The following PCDH11X variants were observed in gnomAD, a reference collection of about 807,000 sequenced individuals.
PCDH11X encodes protocadherin 11 X-linked.
A neutral mutation model predicts 53.3 loss-of-function variants in PCDH11X; 18 were observed. The ratio of observed to expected loss-of-function variants is 0.34; its 90% CI spans 0.23 to 0.50. PCDH11X has a LOEUF of 0.50. Ranked by LOEUF, PCDH11X falls within the 20% of genes least tolerant of loss-of-function variation. The pLI, the probability that PCDH11X is intolerant of heterozygous loss-of-function variation, is 0.98. For synonymous variants in PCDH11X, 279 were observed against 393.3 expected, an observed-to-expected ratio of 0.71 and a Z score of 3.44; for missense variants, 570 against 1,032.4, an observed-to-expected ratio of 0.55 and a Z score of 6.14.
intron 9 of PCDH11X, among the ~76,000 whole-genome samples, chrX:92,431,613 AT>A (rs2097978891): frequency 9.1e-6 from 1 of 110,279 alleles, no homozygotes; most frequent in Non-Finnish European, 1.9e-5. Flanking sequence ...TAAGATACCT[AT>A]TAATTCAAAC....
intron 9 of PCDH11X, among the ~76,000 whole-genome samples, chrX:92,403,329 G>GTTTTTTTTTTTTTTTTTTT (rs1178198433): frequency 6.8e-5 from 4 of 58,816 alleles, no homozygotes; most frequent in East Asian, 7.8e-4. Flanking sequence ...GGGCATTTAC[G>GTTTTTTTTTTTTTTTTTTT]TTTTTTTTTG....
intron 8 of PCDH11X, among the ~76,000 whole-genome samples, chrX:92,302,042 T>C (rs183735680): frequency 1.8e-5 from 2 of 111,464 alleles, no homozygotes; most frequent in East Asian, 5.7e-4. Context: ...GCAAGGCAGA[T>C]TGGGACCCTA....
intron 9 of PCDH11X, among the ~76,000 whole-genome samples, chrX:92,395,111 C>G (rs1001366247): frequency 2.7e-5 from 3 of 110,983 alleles, no homozygotes; most frequent in Non-Finnish European, 5.7e-5. Context: ...CCCAGTTCCA[C>G]TAGGTACATG....
intron 6 of PCDH11X, among the ~76,000 whole-genome samples, chrX:91,943,545 C>T (rs749874087): frequency 5.4e-4 from 58 of 107,856 alleles, no homozygotes; most frequent in Non-Finnish European, 9.7e-4. Flanking sequence ...ATTTATCATC[C>T]GGTCCTTATA....
chrX:92,532,122 A>G (rs2148727149), intron 10 of PCDH11X, among the ~76,000 whole-genome samples: 1 of 111,549 alleles, frequency 9.0e-6, no homozygotes, highest in South Asian at 3.7e-4. Context: ...TGTTTACCTG[A>G]TGTATTAAGT....
At chrX:92,161,462 C>T (rs1279386884) in intron 6 of PCDH11X, among the ~76,000 whole-genome samples, 1 of 110,834 alleles carries the variant, frequency 9.0e-6, no homozygotes, top group African/African-American at 3.3e-5. Context: ...TTTCCTTCAC[C>T]TTGACTTTTG....
At chrX:92,375,050 T>A (rs1211949152) in intron 8 of PCDH11X, among the ~76,000 whole-genome samples, 6 of 100,652 alleles carry the variant, frequency 6.0e-5, no homozygotes, top group South Asian at 4.4e-4. Flanking sequence ...TTAATGAAAA[T>A]TTATCCTAAA....
At chrX:92,193,271 G>C (rs1476092188) in intron 6 of PCDH11X, among the ~76,000 whole-genome samples, 1 of 111,614 alleles carries the variant, frequency 9.0e-6, no homozygotes, top group Non-Finnish European at 1.9e-5. Context: ...TAACCCTAGG[G>C]TGGGGTGTAG....
chrX:92,411,922 AGTGGG>A (rs2071664030), intron 9 of PCDH11X, among the ~76,000 whole-genome samples: 3 of 44,780 alleles, frequency 6.7e-5, no homozygotes, highest in South Asian at 2.5e-3. Context: ...GAGGAGGAGG[AGTGGG>A]AGGAGGAGGG....
At chrX:91,870,414 C>T (rs1271570256) in intron 5 of PCDH11X, among the ~76,000 whole-genome samples, 2 of 110,090 alleles carry the variant, frequency 1.8e-5, no homozygotes, top group Non-Finnish European at 3.8e-5. Context: ...GAACTTAGTA[C>T]AAAAATTCTA....
At chrX:92,275,061 A>T in intron 8 of PCDH11X, among the ~76,000 whole-genome samples, 1 of 103,206 alleles carries the variant, frequency 9.7e-6, no homozygotes, top group Non-Finnish European at 2.0e-5. Context: ...GGAAGAAAAT[A>T]GATTTTGGAA....
intron 10 of PCDH11X, among the ~76,000 whole-genome samples, chrX:92,567,611 G>A (rs1330861660): frequency 3.7e-5 from 4 of 108,559 alleles, no homozygotes; most frequent in Non-Finnish European, 7.6e-5. Context: ...ATTTGAATAC[G>A]CTACATTTTT....
intron 9 of PCDH11X, among the ~76,000 whole-genome samples, chrX:92,395,915 G>A (rs2071232729): frequency 9.5e-6 from 1 of 105,651 alleles, no homozygotes; most frequent in African/African-American, 3.5e-5. Flanking sequence ...ATATCCAAAT[G>A]GAGAACTTTT....
At chrX:92,531,539 A>T (rs2074554788) in intron 10 of PCDH11X, among the ~76,000 whole-genome samples, 1 of 110,477 alleles carries the variant, frequency 9.1e-6, no homozygotes, top group East Asian at 2.8e-4. Context: ...CCTCAACCAG[A>T]TTTTATGAAA....
Position 92,253,499 on chromosome X carries a change from G to A in PCDH11X, c.3115-9615G>A, listed in dbSNP as rs780185401. On this transcript the variant is annotated intron_variant, in intron 7 of 10. Coordinates refer to ENST00000682573, the MANE Select transcript of PCDH11X (RefSeq NM_032968.5). ...AGAATGTCATTGATATTTTGATAGG[G>A]ATTGCATTGAATCTGTAGACTGCTG... is the stretch of plus-strand genomic sequence containing the variant. Among the ~76,000 whole-genome samples, 4 of 111,565 alleles carry A rather than the reference G, an allele frequency of 3.6e-5. No homozygotes were observed. The South Asian group carries it at 1.5e-3, about 42-fold the overall frequency.
intron 6 of PCDH11X, among the ~76,000 whole-genome samples, chrX:92,193,680 C>T: frequency 9.0e-6 from 1 of 110,761 alleles, no homozygotes; most frequent in Non-Finnish European, 1.9e-5. Flanking sequence ...GAGATTTATG[C>T]ATGAAATATT....
At chrX:92,062,583 G>A (rs190549939) in intron 6 of PCDH11X, among the ~76,000 whole-genome samples, 3,726 of 111,865 alleles carry the variant, frequency 0.033, 107 homozygotes, top group African/African-American at 0.088. Flanking sequence ...CAGCCAACAA[G>A]CATATGAAGA....
In PCDH11X at chrX:91,836,055, A is replaced by C. The variant is rs1313149560; in HGVS notation, c.540+11A>C. 1.7e-6 allele frequency: 2 copies of C among 1,207,245 alleles called. No individual in the cohort carries two copies. The highest frequency in any genetic ancestry group is 3.6e-5 in the South Asian group (2 of 56,099). On this transcript the variant is annotated intron_variant, in intron 5 of 10. Coordinates refer to ENST00000682573, the MANE Select transcript of PCDH11X (RefSeq NM_032968.5). Reference sequence around the variant, plus strand: ...TACGAACTAATTAAGGTGCGTTTTAAAATCACTTTGTTAAAGATATCATCT... The same window carrying C: ...TACGAACTAATTAAGGTGCGTTTTACAATCACTTTGTTAAAGATATCATCT...
intron 6 of PCDH11X, among the ~76,000 whole-genome samples, chrX:92,099,546 T>C (rs753251734): frequency 8.9e-6 from 1 of 111,783 alleles, no homozygotes; most frequent in African/African-American, 3.2e-5. Flanking sequence ...TGCTAAGAAA[T>C]TCTTTAATTC....
Sources: allele counts gnomAD v4.1 joint callset (sites outside exome capture counted in the v4.1 genomes callset), GRCh38; gene constraint gnomAD v4.1.1; transcripts MANE v1.5; gene names NCBI Gene and HGNC (gene_info 2026-07-23, HGNC 2026-07-21).